The following OSBPL8 variants were observed in gnomAD, a reference collection of about 807,000 sequenced individuals.
OSBPL8 encodes the protein oxysterol-binding protein-related protein 8.
A neutral mutation model predicts 125.5 loss-of-function variants in OSBPL8; 59 were observed. The observed-to-expected ratio is 0.47, with a 90% CI of 0.38 to 0.58. The LOEUF is 0.58. OSBPL8 is among the 20% of genes least tolerant of loss of function. OSBPL8 has a pLI of 0.00. For synonymous variants in OSBPL8, 330 were observed against 338.9 expected (o/e 0.97, Z 0.29); for missense variants, 758 against 1,047.8 (o/e 0.72, Z 3.82).
chr12:76,515,106 A>G (rs571849634), intron 1 of OSBPL8, among the ~76,000 whole-genome samples: 2 of 152,186 alleles, frequency 1.3e-5, no homozygotes, highest in Non-Finnish European at 2.9e-5. Flanking sequence ...CTGAATCTCA[A>G]TGATATTCAT....
chr12:76,483,660 C>CTTTT (rs869202382), intron 2 of OSBPL8, among the ~76,000 whole-genome samples: 840 of 57,460 alleles, frequency 0.015, 183 homozygotes, highest in African/African-American at 0.026. Flanking sequence ...CTGTAATAGT[C>CTTTT]TTTTTTTTTT....
intron 4 of OSBPL8, among the ~76,000 whole-genome samples, chr12:76,431,568 G>T (rs1870827785): frequency 1.3e-5 from 2 of 152,104 alleles, no homozygotes; most frequent in South Asian, 4.1e-4. Context: ...AAAGGGCAGT[G>T]GTGGAGAAAG....
intron 8 of OSBPL8, among the ~76,000 whole-genome samples, chr12:76,397,362 A>G (rs1013457271): frequency 1.2e-4 from 1 of 8,612 alleles, no homozygotes; most frequent in African/African-American, 4.8e-4. Flanking sequence ...GGGTGGGGGC[A>G]GGTGGGTGGG....
chr12:76,404,909 C>A (rs183414966), intron 5 of OSBPL8, among the ~76,000 whole-genome samples: 203 of 152,230 alleles, frequency 1.3e-3, no homozygotes, highest in African/African-American at 4.8e-3. Context: ...CGAGGATCAA[C>A]TGTATATACG....
chr12:76,517,109 G>A (rs963055764), intron 1 of OSBPL8, among the ~76,000 whole-genome samples: 37 of 152,158 alleles, frequency 2.4e-4, no homozygotes, highest in Admixed American at 9.8e-4. Context: ...CCATCACGCC[G>A]GCCCAATGTT....
rs890173671 is a variant in OSBPL8, at chr12:76,353,116, A to C, written c.*2773T>G. ...TTTTCTTAAAGGCACAAAAGCATGA[A>C]TATTAAATGAGAGTTGTATTTTACA... On this transcript the variant is annotated 3_prime_UTR_variant, in exon 24 of 24. Coordinates refer to ENST00000261183, the MANE Select transcript of OSBPL8 (RefSeq NM_020841.5). The C allele has an allele frequency of 1.3e-5, 2 of 152,454 alleles. No homozygotes were observed. The highest frequency in any genetic ancestry group is 2.9e-5 in the Non-Finnish European group (2 of 67,874). 9.4% of individuals were successfully genotyped at this position (152,454 alleles called of 1,614,324 possible).
At position 76,358,772 on chromosome 12, in the gene OSBPL8, G is replaced by A; in HGVS notation, c.2368C>T (p.Gln790Ter). ...GAATAGCCTTTTGCTACTTTCTTCT[G>A]TTGCCTGGTTGGCTTATGTTTCATT... ...PKMKHKPTRQ[Q>*]KKVAKGYSSP... is the part of the protein sequence containing the mutation. Residue 790 changes from glutamine to a stop codon, truncating the protein, a stop_gained, in exon 22 of 24, where the codon CAG becomes TAG. Coordinates refer to ENST00000261183, the MANE Select transcript of OSBPL8 (RefSeq NM_020841.5). LOFTEE classifies it high-confidence loss of function. 1 of 1,614,002 alleles carries A rather than the reference G, an allele frequency of 6.2e-7. No homozygotes were observed. Among genetic ancestry groups the A allele is most frequent in the Middle Eastern group, 1.7e-4 (1 of 6,060 alleles).
intron 4 of OSBPL8, among the ~76,000 whole-genome samples, chr12:76,437,930 T>G (rs1871673197): frequency 6.6e-6 from 1 of 152,216 alleles, no homozygotes; most frequent in Non-Finnish European, 1.5e-5. Flanking sequence ...TGCTAACCAC[T>G]TGTTATAGGC....
chr12:76,410,494 T>A, intron 5 of OSBPL8, 70 bp downstream of exon 5: 2 of 1,129,574 alleles, frequency 1.8e-6, no homozygotes, highest in Non-Finnish European at 2.6e-6. Flanking sequence ...TCATAGGATT[T>A]CAGTGTTAGT....
intron 16 of OSBPL8, 44 bp from the exon 17 acceptor site, chr12:76,375,414 T>C (rs1302713445): frequency 6.8e-6 from 9 of 1,322,946 alleles, no homozygotes; most frequent in Admixed American, 1.7e-5. Flanking sequence ...GAGTATAGTA[T>C]AGTATATGGC....
At chr12:76,505,516 T>A (rs182919477) in intron 1 of OSBPL8, among the ~76,000 whole-genome samples, 1 of 152,142 alleles carries the variant, frequency 6.6e-6, no homozygotes, top group Non-Finnish European at 1.5e-5. Context: ...TTGTGTATTA[T>A]AATAGATACT....
chr12:76,391,986 G>T (rs1008174940), intron 10 of OSBPL8, among the ~76,000 whole-genome samples: 17 of 152,176 alleles, frequency 1.1e-4, no homozygotes, highest in Non-Finnish European at 1.3e-4. Context: ...GCAACAAAAA[G>T]ACCTGAATCT....
chr12:76,547,499 T>C (rs1950813667), intron 1 of OSBPL8, among the ~76,000 whole-genome samples: 1 of 151,914 alleles, frequency 6.6e-6, no homozygotes, highest in Non-Finnish European at 1.5e-5. Flanking sequence ...CAAATGAAAA[T>C]TAAGGCTTCC....
chr12:76,358,175 C>CTTTTTTTTTTT (rs60714321), intron 22 of OSBPL8, among the ~76,000 whole-genome samples: 1 of 100,192 alleles, frequency 1.0e-5, no homozygotes, highest in Non-Finnish European at 1.9e-5. Context: ...GAGTGTGGTT[C>CTTTTTTTTTTT]TTTTTTTTTT....
At chr12:76,364,206 T>C (rs1952318746) in intron 21 of OSBPL8, among the ~76,000 whole-genome samples, 1 of 152,204 alleles carries the variant, frequency 6.6e-6, no homozygotes, top group Non-Finnish European at 1.5e-5. Flanking sequence ...CACACGTATG[T>C]TTATTTTGGC....
chr12:76,383,275 C>T (rs746670252), intron 15 of OSBPL8, among the ~76,000 whole-genome samples: 165 of 151,456 alleles, frequency 1.1e-3, no homozygotes, highest in Non-Finnish European at 2.2e-3. Context: ...ATACTATAGT[C>T]AGGGTAGAAG....
intron 1 of OSBPL8, among the ~76,000 whole-genome samples, chr12:76,536,040 C>A (rs540196379): frequency 6.6e-6 from 1 of 151,680 alleles, no homozygotes; most frequent in Non-Finnish European, 1.5e-5. Context: ...GTAAATTATA[C>A]CTGAATAAAG....
intron 21 of OSBPL8, among the ~76,000 whole-genome samples, chr12:76,362,520 T>C (rs1395478669): frequency 6.6e-6 from 1 of 152,182 alleles, no homozygotes; most frequent in Non-Finnish European, 1.5e-5. Flanking sequence ...TAGTTATCTA[T>C]GGAACGTATC....
At chr12:76,407,647 T>G (rs1954327486) in intron 5 of OSBPL8, among the ~76,000 whole-genome samples, 1 of 152,240 alleles carries the variant, frequency 6.6e-6, no homozygotes, top group Non-Finnish European at 1.5e-5. Flanking sequence ...TCAGTAAGTT[T>G]CAGCTCTTGG....
Sources: allele counts gnomAD v4.1 joint callset (sites outside exome capture counted in the v4.1 genomes callset), GRCh38; gene constraint gnomAD v4.1.1; transcripts MANE v1.5; gene names NCBI Gene and HGNC (gene_info 2026-07-23, HGNC 2026-07-21).